Variants in GRIN3B observed in about 807,000 individuals in gnomAD.
GRIN3B encodes glutamate ionotropic receptor NMDA type subunit 3B.
Under a neutral mutation model 66.0 loss-of-function variants are expected in GRIN3B, and 77 were observed. The observed-to-expected ratio is 1.17, with a 90% confidence interval of 0.97 to 1.41. The LOEUF is 1.41. Ranked by LOEUF, GRIN3B falls within the 40% of genes most tolerant of loss-of-function variation. The probability of loss-of-function intolerance (pLI) is 0.00; values close to 1 mark genes in which losing one functional copy is unlikely to be tolerated. For missense variants in GRIN3B, 1,787 were observed against 1,564.5 expected, an observed-to-expected ratio of 1.14 and a Z score of -2.40; for synonymous variants, 823 against 749.7, an observed-to-expected ratio of 1.10 and a Z score of -1.60.
intron 3 of GRIN3B, among the ~76,000 whole-genome samples, chr19:1,006,154 TTTC>T (rs1251276972): frequency 6.6e-6 from 1 of 151,860 alleles, no homozygotes. Flanking sequence ...CCAGCCTATT[TTTC>T]TTTTCTTTTT....
At chr19:1,008,037 C>A (rs1568392972) in intron 5 of GRIN3B, 66 bp downstream of exon 5, 23 of 1,583,366 alleles carry the variant, frequency 1.5e-5, no homozygotes, top group Non-Finnish European at 1.7e-5. Flanking sequence ...CAGTGGGGAG[C>A]CACGGAGGGT....
In GRIN3B at chr19:1,007,572, C is replaced by G. The variant is rs1297346985; in HGVS notation, c.2053-56C>G. 7.2e-7 allele frequency: 1 copy of G among 1,397,790 alleles called. No individual in the cohort carries two copies. The highest frequency in any genetic ancestry group is 3.0e-5 in the East Asian group (1 of 33,358). The allele number at this position is 1,397,790 out of a possible 1,614,324, so 86.6% of individuals were successfully genotyped here. A position where few individuals can be genotyped will look rare whatever the true frequency, so the allele number is the denominator to read the frequency against. On this transcript the variant is annotated intron_variant, in intron 3 of 8. Coordinates refer to ENST00000234389, the MANE Select transcript of GRIN3B (RefSeq NM_138690.3). This position sits in a 1 kb window ranked among gnomAD's most constrained non-coding sequence, Gnocchi z 4.4. ...CCACCCCGGAGAACGGCGCGCCCCT[C>G]AATGGTCAGGGGTCCTGAGGGGCAG...
chr19:1,007,060 G>A lies in GRIN3B; in HGVS notation c.2053-568G>A, dbSNP rs1240234680. ...CGCAGAGGGGCCTGGGCTGGTCGAG[G>A]ATGTTGATGGGGAAGGAGGCTGGGT... On this transcript the variant is annotated intron_variant, in intron 3 of 8. Coordinates refer to ENST00000234389, the MANE Select transcript of GRIN3B (RefSeq NM_138690.3). The surrounding 1 kb of genome is among the most constrained non-coding windows in gnomAD (Gnocchi z 4.4). 6.6e-6 allele frequency among the ~76,000 whole-genome samples: 1 copy of A among 152,212 alleles called. No homozygotes were observed. The highest frequency in any genetic ancestry group is 1.9e-4 in the East Asian group (1 of 5,198).
chr19:1,008,267 C>T lies in GRIN3B; in HGVS notation c.2442C>T (p.Gly814=). 6.3e-7 allele frequency: 1 copy of T among 1,580,822 alleles called. No individual in the cohort carries two copies. Among genetic ancestry groups the T allele is most frequent in the Non-Finnish European group, 8.6e-7 (1 of 1,167,760 alleles). The change falls in exon 6 of 9, where the codon GGC becomes GGT. Residue 814 remains glycine, a synonymous_variant. Coordinates refer to ENST00000234389, the MANE Select transcript of GRIN3B (RefSeq NM_138690.3). ...AGTGGTACAAGATGGTGCCTTGCGG[C>T]AAGCGGGTCTTTGCGGTTACAGAGG... is the stretch of plus-strand genomic sequence containing the variant. ...HDKWYKMVPC[G]KRVFAVTETL... is the part of the protein sequence containing the mutation.
At chr19:1,001,527 GGGT>G (rs1187932182) in intron 1 of GRIN3B, among the ~76,000 whole-genome samples, 3 of 151,760 alleles carry the variant, frequency 2.0e-5, no homozygotes, top group Non-Finnish European at 2.9e-5. Flanking sequence ...GCGATTGACT[GGGT>G]TCTGGGGTCC....
In GRIN3B at chr19:1,005,403, C is replaced by CA; in HGVS notation, c.1904dup (p.Thr636AspfsTer136). On this transcript the variant is annotated frameshift_variant, in exon 3 of 9. Coordinates refer to ENST00000234389, the MANE Select transcript of GRIN3B (RefSeq NM_138690.3). LOFTEE classifies it high-confidence loss of function. This position sits in a 1 kb window ranked among gnomAD's most constrained non-coding sequence, Gnocchi z 5.2. ...TCCTCTTCAGACGCACCGTGTCCAGCAAGACGCCCAAGTGCCCCACGGGCC... is the reference window on the plus strand; with the variant it reads ...TCCTCTTCAGACGCACCGTGTCCAGCAAAGACGCCCAAGTGCCCCACGGGCC... 1 of 1,613,706 alleles carries CA rather than the reference C, an allele frequency of 6.2e-7. No homozygotes were observed. The highest frequency in any genetic ancestry group is 8.5e-7 in the Non-Finnish European group (1 of 1,179,998).
At chr19:1,003,857 C>A in intron 2 of GRIN3B, 135 bp downstream of exon 2, 1 of 654,830 alleles carries the variant, frequency 1.5e-6, no homozygotes, top group Non-Finnish European at 2.3e-6. Flanking sequence ...AAGGCCGAGG[C>A]GAGCGGATCA....
rs1274655627 is a variant in GRIN3B, at chr19:1,009,350, C to T, written c.2880C>T (p.Pro960=). 6.5e-6 allele frequency: 9 copies of T among 1,390,034 alleles called. 1 individual carries two copies. Among genetic ancestry groups the T allele is most frequent in the South Asian group, 6.3e-5 (4 of 63,466 alleles). The allele number at this position is 1,390,034 out of a possible 1,614,324, so 86.1% of individuals were successfully genotyped here. Residue 960 remains proline (P), a synonymous_variant, in exon 9 of 9, where the codon CCC becomes CCT. Coordinates refer to ENST00000234389, the MANE Select transcript of GRIN3B (RefSeq NM_138690.3). ...AEAEAAPREG[P]VWLCSYGRPP... ...CGGAGGCTGCGCCGCGAGAGGGCCCCGTCTGGCTGTGCTCCTACGGCCGCC... is the reference window on the plus strand; with the variant it reads ...CGGAGGCTGCGCCGCGAGAGGGCCCTGTCTGGCTGTGCTCCTACGGCCGCC...
chr19:1,009,030 T>C, intron 8 of GRIN3B, 103 bp downstream of exon 8: 1 of 1,471,838 alleles, frequency 6.8e-7, no homozygotes, highest in Non-Finnish European at 9.2e-7. Flanking sequence ...TTCCCGGAGG[T>C]CCCCCGCCCA....
chr19:1,009,511 G>A lies in GRIN3B; in HGVS notation c.3041G>A (p.Ser1014Asn), dbSNP rs1439648991. Reference protein sequence around the residue: ...RGQLLAQLGDSARHRPRRLLQ... With the variant: ...RGQLLAQLGDNARHRPRRLLQ... The stretch of plus-strand genomic sequence containing the variant: ...CAGCTCCTGGCACAGCTCGGGGACA[G>A]CGCACGTCACCGGCCTCGGCGCTTG... The change falls in exon 9 of 9, where the codon AGC becomes AAC. Residue 1014 changes from serine to asparagine, a missense_variant. Transcript: ENST00000234389. 1.1e-5 allele frequency: 16 copies of A among 1,493,860 alleles called. No individual in the cohort carries two copies. The highest frequency in any genetic ancestry group is 1.3e-5 in the Non-Finnish European group (15 of 1,127,250). The allele number at this position is 1,493,860 out of a possible 1,614,324, so 92.5% of individuals were successfully genotyped here. A position where few individuals can be genotyped will look rare whatever the true frequency, so the allele number is the denominator to read the frequency against.
rs2038766490 is a variant in GRIN3B at position 1,007,674 on chromosome 19, G to A, written c.2099G>A (p.Ser700Asn). Residue 700 changes from serine to asparagine, a missense_variant, in exon 4 of 9, where the codon AGC (serine) becomes AAC (asparagine). Ser to Asn is a conservative substitution (Grantham distance 46). Transcript: ENST00000234389. This position sits in a 1 kb window ranked among gnomAD's most constrained non-coding sequence, Gnocchi z 4.4. ...TTCCGCTTCGGCACCGTGTGGGAGA[G>A]CAGCGCCGAGGCGTACATCAAGAAG... ...QGFRFGTVWESSAEAYIKKSF... is the reference protein window; with the variant it reads ...QGFRFGTVWENSAEAYIKKSF... 1 of 1,534,588 alleles carries A rather than the reference G, an allele frequency of 6.5e-7. No individual in the cohort carries two copies.
At position 1,009,597 on chromosome 19, in the gene GRIN3B, G is replaced by C; in HGVS notation, c.3127G>C (p.Glu1043Gln). The change falls in exon 9 of 9, where the codon GAA becomes CAA. Residue 1043 changes from glutamate to glutamine, a missense_variant. Glu to Gln is a conservative substitution (Grantham distance 29). Transcript: ENST00000234389. ...PPHSGRPGSQ[E>Q] The stretch of plus-strand genomic sequence containing the variant: ...ACACTCTGGCCGACCGGGGAGCCAG[G>C]AATGAGGCGGCAGCCGGGCCGTTTG... 7.0e-7 allele frequency: 1 copy of C among 1,432,670 alleles called. No individual in the cohort carries two copies. The highest frequency in any genetic ancestry group is 9.1e-7 in the Non-Finnish European group (1 of 1,098,558). The allele number at this position is 1,432,670 out of a possible 1,614,324, so 88.7% of individuals were successfully genotyped here.
intron 3 of GRIN3B, among the ~76,000 whole-genome samples, chr19:1,006,711 C>A (rs1278124453): frequency 6.6e-6 from 1 of 152,196 alleles, no homozygotes; most frequent in Non-Finnish European, 1.5e-5. Context: ...TGCTCCCCAG[C>A]CCCTGGTGTC....
At position 1,009,690 on chromosome 19, in the gene GRIN3B, A is replaced by G. The variant is rs1487790245; in HGVS notation, c.*88A>G. ...ACAGTTTATTCTATATACAAACACA[A>G]TTTTGTACACTGCAATTAAATAGAA... On this transcript the variant is annotated 3_prime_UTR_variant, in exon 9 of 9. Coordinates refer to ENST00000234389, the MANE Select transcript of GRIN3B (RefSeq NM_138690.3). 5 of 1,059,532 alleles carry G rather than the reference A, an allele frequency of 4.7e-6. No homozygotes were observed. Among genetic ancestry groups the G allele is most frequent in the African/African-American group, 3.4e-5 (2 of 59,562 alleles). 65.6% of individuals were successfully genotyped at this position (1,059,532 alleles called of 1,614,324 possible). A position where few individuals can be genotyped will look rare whatever the true frequency, so the allele number is the denominator to read the frequency against.
intron 2 of GRIN3B, among the ~76,000 whole-genome samples, 163 bp from the exon 3 acceptor site, chr19:1,004,358 G>A (rs2038716368): frequency 6.6e-6 from 1 of 152,162 alleles, no homozygotes; most frequent in African/African-American, 2.4e-5. Context: ...GGGATCAAGG[G>A]GTTAGGCTTG....
At chr19:1,003,768 A>G in intron 2 of GRIN3B, 46 bp downstream of exon 2, 2 of 1,314,168 alleles carry the variant, frequency 1.5e-6, no homozygotes, top group Non-Finnish European at 2.0e-6. Context: ...CAGGCCACTG[A>G]GTCTGCACTG....
In GRIN3B at chr19:1,005,265, C is replaced by T. The variant is rs569229407; in HGVS notation, c.1764C>T (p.Thr588=). The change falls in exon 3 of 9, where the codon ACC becomes ACT. Residue 588 remains threonine, a synonymous_variant. Transcript: ENST00000234389. This position sits in a 1 kb window ranked among gnomAD's most constrained non-coding sequence, Gnocchi z 5.2. ...WLGVFAALHL[T]ALFLTVYEWR... ...GCGTCTTTGCGGCCCTGCACCTCAC[C>T]GCGCTCTTCCTCACCGTGTACGAGT... 57 of 1,613,418 alleles carry T rather than the reference C, an allele frequency of 3.5e-5. No individual in the cohort carries two copies. In the South Asian group the frequency reaches 3.8e-4, roughly 11 times the overall value.
rs1892213296 is a variant in GRIN3B at position 1,007,864 on chromosome 19, C to G, written c.2207C>G (p.Pro736Arg). ...PRGVAMLTSD[P>R]PKLNAFIMDK... is the part of the protein sequence containing the mutation. ...GCCCCCGGCCCCAGCAGGAGCGACC[C>G]CCCCAAGCTCAACGCCTTCATCATG... Residue 736 changes from proline to arginine, a missense_variant, in exon 5 of 9, where the codon CCC (proline) becomes CGC (arginine). Pro to Arg is a moderately radical substitution (Grantham distance 103, BLOSUM62 -2). Coordinates refer to ENST00000234389, the MANE Select transcript of GRIN3B (RefSeq NM_138690.3). The surrounding 1 kb of genome is among the most constrained non-coding windows in gnomAD (Gnocchi z 4.4). The G allele has an allele frequency of 1.9e-6, 3 of 1,610,570 alleles. No individual in the cohort carries two copies. Among genetic ancestry groups the G allele is most frequent in the Non-Finnish European group, 2.5e-6 (3 of 1,178,612 alleles).
In GRIN3B at chr19:1,008,179, C is replaced by T. The variant is rs2038780603; in HGVS notation, c.2354C>T (p.Ser785Phe). ...IGLPQNSPLTSNLSEFISRYK... is the reference protein window; with the variant it reads ...IGLPQNSPLTFNLSEFISRYK... ...CTGCCCCAGAACTCGCCGCTCACCT[C>T]CAACCTGTCCGAGTTCATCAGCCGC... The change falls in exon 6 of 9, where the codon TCC becomes TTC. Residue 785 changes from serine (S) to phenylalanine (F), a missense_variant. Coordinates refer to ENST00000234389, the MANE Select transcript of GRIN3B (RefSeq NM_138690.3). 6.2e-7 allele frequency: 1 copy of T among 1,608,546 alleles called. No homozygotes were observed.
Sources: gnomAD v4.1 joint callset for allele counts (sites outside exome capture counted in the v4.1 genomes callset) on GRCh38, gnomAD v4.1.1 for gene constraint, Gnocchi (gnomAD v3.1) non-coding constraint, MANE v1.5 for transcripts, NCBI Gene and HGNC (gene_info 2026-07-23, HGNC 2026-07-21) for gene names.